KRT15: variants seen among roughly 807,000 people sequenced by gnomAD.
KRT15 encodes keratin, type I cytoskeletal 15.
KRT15 carries 45 observed loss-of-function variants against 46.6 expected under a neutral mutation model. The ratio of observed to expected loss-of-function variants is 0.97; its 90% confidence interval spans 0.76 to 1.24. The LOEUF (loss-of-function observed/expected upper bound fraction) is 1.24. Ranked by LOEUF, KRT15 falls within the 50% of genes most tolerant of loss-of-function variation. The pLI, the probability that KRT15 is intolerant of heterozygous loss-of-function variation, is 0.00. For synonymous variants in KRT15, 221 were observed against 233.8 expected, an observed-to-expected ratio of 0.95 and a Z score of 0.50; for missense variants, 592 against 588.9, an observed-to-expected ratio of 1.01 and a Z score of -0.05.
chr17:41,516,683 A>T, intron 3 of KRT15, 125 bp downstream of exon 3: 1 of 1,140,286 alleles, frequency 8.8e-7, no homozygotes, highest in Non-Finnish European at 1.3e-6. Context: ...CCACTGACTT[A>T]ATCTCGTGAA....
At chr17:41,517,362 C>T in intron 1 of KRT15, 197 bp from the exon 2 acceptor site, 1 of 591,164 alleles carries the variant, frequency 1.7e-6, no homozygotes, top group Non-Finnish European at 3.0e-6. Context: ...CTTGTTTTGT[C>T]CCATCCAGCC....
intron 6 of KRT15, 70 bp downstream of exon 6, chr17:41,515,402 C>T: frequency 7.3e-7 from 1 of 1,368,176 alleles, no homozygotes; most frequent in Non-Finnish European, 1.0e-6. Flanking sequence ...CCTGCCATTC[C>T]CTTAGGATGA....
At chr17:41,515,723 AG>A in intron 5 of KRT15, 31 bp from the exon 6 acceptor site, 1 of 1,606,824 alleles carries the variant, frequency 6.2e-7, no homozygotes, top group Non-Finnish European at 8.5e-7. Flanking sequence ...TAGACACATC[AG>A]GCTAGAAAGG....
In KRT15 at chr17:41,516,858, T is replaced by A; in HGVS notation, c.688A>T (p.Ile230Phe). 1 of 1,614,258 alleles carries A rather than the reference T, an allele frequency of 6.2e-7. No homozygotes were observed. Among genetic ancestry groups the A allele is most frequent in the Non-Finnish European group, 8.5e-7 (1 of 1,180,048 alleles). ...TLARTDLEMQ[I>F]EGLNEELAYL... ...GCTAGCTCCTCATTCAGGCCCTCGA[T>A]CTGCATCTCCAGGTCAGTCCTGGCC... Residue 230 changes from isoleucine to phenylalanine, a missense_variant, in exon 3 of 8, where the codon ATC (isoleucine) becomes TTC (phenylalanine). Coordinates refer to ENST00000254043, the MANE Select transcript of KRT15 (RefSeq NM_002275.4).
At chr17:41,515,794 A>G (rs1414218034) in intron 5 of KRT15, 91 bp downstream of exon 5, 6 of 1,604,152 alleles carry the variant, frequency 3.7e-6, no homozygotes, top group Non-Finnish European at 5.1e-6. Flanking sequence ...CCACCTCTTG[A>G]GGGGGCTTGA....
rs1311391669 is a variant in KRT15, at chr17:41,516,931, A to C, written c.615T>G (p.Val205=). Residue 205 remains valine, a synonymous_variant, in exon 3 of 8, where the codon GTT becomes GTG. Transcript: ENST00000254043. ...GGCGCAAGCCGTTGATGTCAGCCTC[A>C]ACGCCCTGGCGCAGGGCCAGCTCAT... ...YENELALRQG[V]EADINGLRRV... The C allele has an allele frequency of 1.2e-6, 2 of 1,614,224 alleles. No individual in the cohort carries two copies. The highest frequency in any genetic ancestry group is 3.3e-5 in the Admixed American group (2 of 60,030).
Position 41,518,718 on chromosome 17 carries a change from CCA to C in KRT15, c.108_109del (p.Gly38ArgfsTer12), listed in dbSNP as rs747028838. On this transcript the variant is annotated frameshift_variant, in exon 1 of 8. Transcript: ENST00000254043. LOFTEE classifies it high-confidence loss of function. ...TGAGATACTTCGGCTTCCACCTCCC[CCA>C]GAGAGACTCCCCCCACCAAAGCCAC... The C allele has an allele frequency of 2.7e-5, 43 of 1,612,042 alleles. No homozygotes were observed. The highest frequency in any genetic ancestry group is 2.6e-5 in the Non-Finnish European group (31 of 1,178,778).
In KRT15 at chr17:41,518,339, G is replaced by A; in HGVS notation, c.489C>T (p.Leu163=). Residue 163 remains leucine (L), a synonymous_variant, in exon 1 of 8, where the codon CTC becomes CTT. Transcript: ENST00000254043. ...YSQYFKTIEE[L]RDKIMATTID... ...ACATCCGAGGACTCACCTTGTCCCG[G>A]AGCTCTTCAATGGTCTTGAAGTATT... 1 of 1,611,510 alleles carries A rather than the reference G, an allele frequency of 6.2e-7. No individual in the cohort carries two copies. The highest frequency in any genetic ancestry group is 8.5e-7 in the Non-Finnish European group (1 of 1,178,018).
rs201041868 is a variant in KRT15 at position 41,516,053 on chromosome 17, G to A, written c.901-43C>T. On this transcript the variant is annotated intron_variant, in intron 4 of 7. Coordinates refer to ENST00000254043, the MANE Select transcript of KRT15 (RefSeq NM_002275.4). ...CAGAAGTGAGCCCCGGGGCCTCCTCGGAGACTCAGGGACCTGGGGCAGGAA... is the reference window on the plus strand; with the variant it reads ...CAGAAGTGAGCCCCGGGGCCTCCTCAGAGACTCAGGGACCTGGGGCAGGAA... 1.8e-4 allele frequency: 292 copies of A among 1,614,100 alleles called. 1 individual carries two copies. In the African/African-American group the frequency reaches 3.0e-3, roughly 17 times the overall value.
rs1905275630 is a variant in KRT15 at position 41,514,756 on chromosome 17, A to G, written c.1248-82T>C. 9 of 1,427,410 alleles carry G rather than the reference A, an allele frequency of 6.3e-6. No homozygotes were observed. The East Asian group carries it at 2.1e-4, about 33-fold the overall frequency. The allele number at this position is 1,427,410 out of a possible 1,614,324, so 88.4% of individuals were successfully genotyped here. On this transcript the variant is annotated intron_variant, in intron 6 of 7. Transcript: ENST00000254043. ...GGGAAGCTCATGTAGATAGCTATGCAGTGTTCTTCAGACCCTACACCACCA... is the reference window on the plus strand; with the variant it reads ...GGGAAGCTCATGTAGATAGCTATGCGGTGTTCTTCAGACCCTACACCACCA...
At position 41,516,124 on chromosome 17, in the gene KRT15, C is replaced by G. The variant is rs149096052; in HGVS notation, c.880G>C (p.Glu294Gln). 6.2e-7 allele frequency: 1 copy of G among 1,614,180 alleles called. No homozygotes were observed. Residue 294 changes from glutamate to glutamine, a missense_variant, in exon 4 of 8, where the codon GAG becomes CAG. Coordinates refer to ENST00000254043, the MANE Select transcript of KRT15 (RefSeq NM_002275.4). ...AMAEKNRRDV[E>Q]AWFFSKTEEL... Reference sequence around the variant, plus strand: ...CCCACCTTGCTGAAGAACCAGGCCTCGACATCCCGGCGGTTCTTCTCCGCC... The same window carrying G: ...CCCACCTTGCTGAAGAACCAGGCCTGGACATCCCGGCGGTTCTTCTCCGCC...
In KRT15 at chr17:41,514,128, GAGA is replaced by G; in HGVS notation, c.1274-11_1274-9del. 6 of 1,610,782 alleles carry G rather than the reference GAGA, an allele frequency of 3.7e-6. No homozygotes were observed. The highest frequency in any genetic ancestry group is 5.1e-6 in the Non-Finnish European group (6 of 1,176,972). ...CACCACCTCCTGAAGAGGCTAGAGA[GAGA>G]AGGAGTAGGCTTTAGAGTGGGGGAA... On this transcript the variant is annotated splice_polypyrimidine_tract_variant and intron_variant, in intron 7 of 7. Coordinates refer to ENST00000254043, the MANE Select transcript of KRT15 (RefSeq NM_002275.4).
chr17:41,515,256 T>C, intron 6 of KRT15: 1 of 583,088 alleles, frequency 1.7e-6, no homozygotes. Flanking sequence ...GCCTCTATCA[T>C]TTACAGAAGA....
chr17:41,514,899 C>A, intron 6 of KRT15: 1 of 483,580 alleles, frequency 2.1e-6, no homozygotes, highest in Non-Finnish European at 3.7e-6. Context: ...CGGAATCTCA[C>A]TCTGTCGCCC....
intron 1 of KRT15, 68 bp from the exon 2 acceptor site, chr17:41,517,233 A>C (rs1905430125): frequency 7.4e-7 from 1 of 1,345,156 alleles, no homozygotes; most frequent in African/African-American, 1.4e-5. Context: ...CTCTGCACCC[A>C]AGGCCAGCCC....
intron 3 of KRT15, 80 bp from the exon 4 acceptor site, chr17:41,516,345 G>C (rs1188784842): frequency 2.0e-6 from 3 of 1,468,584 alleles, no homozygotes; most frequent in Non-Finnish European, 2.8e-6. Context: ...TGCCAATCCT[G>C]GCTCTGCCCG....
At chr17:41,515,416 T>C in intron 6 of KRT15, 56 bp downstream of exon 6, 2 of 1,494,590 alleles carry the variant, frequency 1.3e-6, no homozygotes, top group South Asian at 1.1e-5. Context: ...AGGATGACCC[T>C]GCACCCTAGC....
chr17:41,514,381 T>C (rs566484416), intron 7 of KRT15: 112 of 597,194 alleles, frequency 1.9e-4, no homozygotes, highest in South Asian at 4.6e-4. Context: ...TGTGGGCATC[T>C]TAGCGGAAGT....
intron 7 of KRT15, 101 bp downstream of exon 7, chr17:41,514,548 G>C: frequency 1.8e-6 from 2 of 1,102,672 alleles, no homozygotes; most frequent in South Asian, 2.6e-5. Flanking sequence ...CCCACCTAAT[G>C]GGATGTTTGG....
Sources: allele counts gnomAD v4.1 joint callset, GRCh38; gene constraint gnomAD v4.1.1; transcripts MANE v1.5; gene names NCBI Gene and HGNC (gene_info 2026-07-23, HGNC 2026-07-21).